The following XIRP2 variants were observed in gnomAD, a reference collection of about 807,000 sequenced individuals.
XIRP2 encodes xin actin binding repeat containing 2.
A neutral mutation model predicts 277.0 loss-of-function variants in XIRP2; 236 were observed. The observed-to-expected ratio is 0.85, with a 90% CI of 0.77 to 0.95. The LOEUF is 0.95. Among genes scored for constraint, XIRP2 ranks in the 40% least tolerant of loss-of-function variants. The pLI is 0.00. For missense variants in XIRP2, 4,640 were observed against 4,157.5 expected, an observed-to-expected ratio of 1.12 and a Z score of -3.19; for synonymous variants, 1,490 against 1,416.5, an observed-to-expected ratio of 1.05 and a Z score of -1.17.
intron 2 of XIRP2, among the ~76,000 whole-genome samples, chr2:166,918,703 G>A (rs1217954596): frequency 1.3e-5 from 2 of 152,088 alleles, no homozygotes; most frequent in Non-Finnish European, 2.9e-5. Flanking sequence ...CAATGGGAAA[G>A]GTGGTAAAAG....
At chr2:166,909,197 T>C (rs1323021940) in intron 2 of XIRP2, among the ~76,000 whole-genome samples, 2 of 152,206 alleles carry the variant, frequency 1.3e-5, no homozygotes, top group Non-Finnish European at 2.9e-5. Context: ...AATCTATAAA[T>C]TACCTTGGGC....
At chr2:166,932,216 C>CTTTT (rs373806059) in intron 2 of XIRP2, among the ~76,000 whole-genome samples, 2 of 141,402 alleles carry the variant, frequency 1.4e-5, no homozygotes, top group Non-Finnish European at 1.6e-5. Context: ...CTCTCTCTCT[C>CTTTT]TTTTTTTTTT....
intron 2 of XIRP2, among the ~76,000 whole-genome samples, chr2:167,120,580 A>G (rs547926865): frequency 1.3e-5 from 2 of 152,298 alleles, no homozygotes; most frequent in Non-Finnish European, 2.9e-5. Flanking sequence ...TACAGGGAGT[A>G]TATGCTATAT....
At chr2:167,083,088 T>G (rs567576368) in intron 2 of XIRP2, among the ~76,000 whole-genome samples, 3 of 152,346 alleles carry the variant, frequency 2.0e-5, no homozygotes, top group South Asian at 4.1e-4. Context: ...GTCTAACATT[T>G]AAGTCTTTAA....
intron 2 of XIRP2, among the ~76,000 whole-genome samples, chr2:167,120,663 T>A (rs1226160670): frequency 6.6e-6 from 1 of 152,106 alleles, no homozygotes; most frequent in Non-Finnish European, 1.5e-5. Context: ...GAAGGCTCTG[T>A]CTTATATAAA....
chr2:166,930,014 A>C (rs772736605), intron 2 of XIRP2, among the ~76,000 whole-genome samples: 1 of 152,178 alleles, frequency 6.6e-6, no homozygotes, highest in Non-Finnish European at 1.5e-5. Context: ...ATGTATAGCT[A>C]GGATTCAGAA....
chr2:167,182,531 C>T (rs1184032798), intron 3 of XIRP2, among the ~76,000 whole-genome samples: 3 of 152,132 alleles, frequency 2.0e-5, no homozygotes, highest in Non-Finnish European at 4.4e-5. Flanking sequence ...CAACGTAGTG[C>T]TTGTATAGAA....
chr2:167,248,212 A>C lies in XIRP2; in HGVS notation c.6820A>C (p.Ile2274Leu). The C allele has an allele frequency of 6.2e-7, 1 of 1,613,698 alleles. No individual in the cohort carries two copies. The highest frequency in any genetic ancestry group is 8.5e-7 in the Non-Finnish European group (1 of 1,179,748). Reference sequence around the variant, plus strand: ...GGCAATGGAAAGGTCCTTGAATCCAATCAACTTTAACCCTGAGAATAATGT... The same window carrying C: ...GGCAATGGAAAGGTCCTTGAATCCACTCAACTTTAACCCTGAGAATAATGT... ...KMAMERSLNP[I>L]NFNPENNVKE... Residue 2274 changes from isoleucine (I) to leucine (L), a missense_variant, in exon 9 of 11, where the codon ATC (isoleucine) becomes CTC (leucine). Coordinates refer to ENST00000409195, the MANE Select transcript of XIRP2 (RefSeq NM_152381.6).
chr2:167,253,036 A>G (rs1695560231), intron 9 of XIRP2, among the ~76,000 whole-genome samples: 3 of 151,916 alleles, frequency 2.0e-5, no homozygotes. Context: ...ACTAGAACCA[A>G]ATAAGCAAAG....
chr2:167,180,567 T>TC (rs1269982672), intron 3 of XIRP2, among the ~76,000 whole-genome samples: 3 of 152,248 alleles, frequency 2.0e-5, no homozygotes, highest in African/African-American at 7.2e-5. Flanking sequence ...CATTTTATTG[T>TC]CTCCTTAATA....
In XIRP2 at chr2:167,241,923, C is replaced by A. The variant is rs201118210; in HGVS notation, c.1176+13C>A. 29 of 1,606,534 alleles carry A rather than the reference C, an allele frequency of 1.8e-5. No homozygotes were observed. The highest frequency in any genetic ancestry group is 1.2e-5 in the Non-Finnish European group (14 of 1,177,382). On this transcript the variant is annotated intron_variant, in intron 8 of 10. Coordinates refer to ENST00000409195, the MANE Select transcript of XIRP2 (RefSeq NM_152381.6). ...CAAGCAGATTAAGGTAAAGTCATTT[C>A]TTTACACAGAAACATACTAAGTGTA...
At chr2:167,038,823 A>G (rs1223336922) in intron 2 of XIRP2, among the ~76,000 whole-genome samples, 2 of 152,062 alleles carry the variant, frequency 1.3e-5, no homozygotes, top group Non-Finnish European at 2.9e-5. Context: ...AGAAATGATT[A>G]GGGCTTGAGA....
At chr2:166,973,035 T>A (rs969510583) in intron 2 of XIRP2, among the ~76,000 whole-genome samples, 1 of 152,214 alleles carries the variant, frequency 6.6e-6, no homozygotes, top group Non-Finnish European at 1.5e-5. Context: ...TTACATTTTC[T>A]AGCAAATTAA....
rs149957396 is a variant in XIRP2, at chr2:167,156,635, C to T, written c.562+20573C>T. ...ACCATTTGAGTGAATATATGATTTC[C>T]CATTTTGACAAAAAGTGATTGGGTA... is the stretch of plus-strand genomic sequence containing the variant. On this transcript the variant is annotated intron_variant, in intron 3 of 10. Transcript: ENST00000409195. 1.7e-3 allele frequency among the ~76,000 whole-genome samples: 256 copies of T among 152,200 alleles called. 2 individuals are homozygous for T. The highest frequency in any genetic ancestry group is 3.7e-4 in the Non-Finnish European group (25 of 68,004).
At chr2:167,026,643 A>C (rs1688170007) in intron 2 of XIRP2, among the ~76,000 whole-genome samples, 1 of 152,108 alleles carries the variant, frequency 6.6e-6, no homozygotes, top group South Asian at 2.1e-4. Flanking sequence ...CTTTTAGGGC[A>C]GGCCTGGTGG....
In XIRP2 at chr2:166,903,980, G is replaced by A. The variant is rs1345439414; in HGVS notation, c.408+90G>A. 4.4e-5 allele frequency: 63 copies of A among 1,432,838 alleles called. No individual in the cohort carries two copies. The South Asian group carries it at 6.3e-4, about 14-fold the overall frequency. 88.8% of individuals were successfully genotyped at this position (1,432,838 alleles called of 1,614,324 possible). ...TACTAAGCATGTAATCTTTCCCCCC[G>A]CCAGTATTCTAGACAGATGTCCTGA... On this transcript the variant is annotated intron_variant, in intron 2 of 10. Transcript: ENST00000409195.
At chr2:167,076,144 A>G (rs939062739) in intron 2 of XIRP2, among the ~76,000 whole-genome samples, 3 of 152,196 alleles carry the variant, frequency 2.0e-5, no homozygotes. Flanking sequence ...ATGAAAAAAA[A>G]AGTGTTTCAC....
chr2:166,964,312 T>C (rs1686371785), intron 2 of XIRP2, among the ~76,000 whole-genome samples: 1 of 151,820 alleles, frequency 6.6e-6, no homozygotes, highest in African/African-American at 2.4e-5. Flanking sequence ...AAATTGTGTT[T>C]TCTCATAATG....
At chr2:167,042,218 C>T (rs1158976428) in intron 2 of XIRP2, among the ~76,000 whole-genome samples, 1 of 152,154 alleles carries the variant, frequency 6.6e-6, no homozygotes, top group Non-Finnish European at 1.5e-5. Flanking sequence ...AAGATCATTA[C>T]CTGTCACCAC....
Sources: allele counts gnomAD v4.1 joint callset (sites outside exome capture counted in the v4.1 genomes callset), GRCh38; gene constraint gnomAD v4.1.1; transcripts MANE v1.5; gene names NCBI Gene and HGNC (gene_info 2026-07-23, HGNC 2026-07-21).